The following ATAD2B variants were observed in gnomAD, a reference collection of about 807,000 sequenced individuals.
ATAD2B encodes ATPase family AAA domain containing 2B.
In ATAD2B, 40 loss-of-function variants were observed where a neutral mutation model predicts 167.6. The ratio of observed to expected loss-of-function variants is 0.24; its 90% CI spans 0.19 to 0.31. The LOEUF (loss-of-function observed/expected upper bound fraction) is 0.31, where lower values mean the gene tolerates loss of function less well. Ranked by LOEUF, ATAD2B falls within the 10% of genes least tolerant of loss-of-function variation. The pLI is 1.00. For synonymous variants in ATAD2B, 579 were observed against 596.5 expected (o/e 0.97, Z 0.43); for missense variants, 1,242 against 1,757.2 (o/e 0.71, Z 5.24).
intron 16 of ATAD2B, among the ~76,000 whole-genome samples, chr2:23,822,277 C>T (rs1426615063): frequency 6.6e-6 from 1 of 152,094 alleles, no homozygotes; most frequent in Non-Finnish European, 1.5e-5. Flanking sequence ...ACTCACATCT[C>T]TAATCCCAGC....
chr2:23,823,526 G>A lies in ATAD2B; in HGVS notation c.1863C>T (p.Ala621=). ...GATAACGCCTCCGCAGTGCAATCAGGGCGGCTTCAGTGCACAGGGCCTTGA... is the reference window on the plus strand; with the variant it reads ...GATAACGCCTCCGCAGTGCAATCAGAGCGGCTTCAGTGCACAGGGCCTTGA... ...ADIKALCTEA[A]LIALRRRYPQ... Residue 621 remains alanine (A), a synonymous_variant, in exon 16 of 28, where the codon GCC becomes GCT. Coordinates refer to ENST00000238789, the MANE Select transcript of ATAD2B (RefSeq NM_017552.4). 6.2e-7 allele frequency: 1 copy of A among 1,613,272 alleles called. No homozygotes were observed. The highest frequency in any genetic ancestry group is 8.5e-7 in the Non-Finnish European group (1 of 1,179,874).
chr2:23,912,567 G>T (rs994321218), intron 1 of ATAD2B, among the ~76,000 whole-genome samples: 1 of 151,828 alleles, frequency 6.6e-6, no homozygotes, highest in Non-Finnish European at 1.5e-5. Context: ...CATACTTCTA[G>T]ATAACCAATG....
chr2:23,792,350 CT>C (rs1031252772), intron 19 of ATAD2B, among the ~76,000 whole-genome samples: 3 of 151,672 alleles, frequency 2.0e-5, no homozygotes, highest in African/African-American at 7.3e-5. Context: ...CCTGGCCAAC[CT>C]TTTTGTTTTA....
chr2:23,700,101 G>A, the ATAD2B span, among the ~76,000 whole-genome samples: 1 of 152,076 alleles, frequency 6.6e-6, no homozygotes, highest in Middle Eastern at 3.2e-3. The surrounding 1 kb of genome is among the most constrained non-coding windows in gnomAD (Gnocchi z 4.6). Flanking sequence ...CCACCTCCTG[G>A]AAGCCTTCCA....
intron 25 of ATAD2B, among the ~76,000 whole-genome samples, chr2:23,757,063 ATTC>A (rs1435175143): frequency 6.6e-6 from 1 of 152,174 alleles, no homozygotes; most frequent in Non-Finnish European, 1.5e-5. Flanking sequence ...CATGCCAATA[ATTC>A]TTCTTGGAAT....
intron 16 of ATAD2B, among the ~76,000 whole-genome samples, chr2:23,822,713 G>A (rs993935999): frequency 1.3e-5 from 2 of 151,284 alleles, no homozygotes; most frequent in African/African-American, 2.4e-5. Flanking sequence ...GTCAGAAGTT[G>A]GAAACCAGCC....
At chr2:23,878,942 A>G (rs1411456717) in intron 7 of ATAD2B, among the ~76,000 whole-genome samples, 2 of 152,202 alleles carry the variant, frequency 1.3e-5, no homozygotes, top group Non-Finnish European at 2.9e-5. Flanking sequence ...CTCCAACACC[A>G]TTAGGGAAAT....
the ATAD2B span, among the ~76,000 whole-genome samples, chr2:23,732,822 A>C: frequency 6.6e-6 from 1 of 152,080 alleles, no homozygotes; most frequent in Non-Finnish European, 1.5e-5. Context: ...TTCAATCTCC[A>C]TCTTTCTATC....
chr2:23,679,051 T>A, the ATAD2B span, among the ~76,000 whole-genome samples: 17 of 141,770 alleles, frequency 1.2e-4, no homozygotes, highest in African/African-American at 1.1e-4. Context: ...TTACCACAAC[T>A]AAAAAAAAAA....
the ATAD2B span, chr2:23,695,857 A>G: frequency 6.5e-7 from 1 of 1,538,292 alleles, no homozygotes; most frequent in Non-Finnish European, 8.8e-7. The surrounding 1 kb of genome is among the most constrained non-coding windows in gnomAD (Gnocchi z 7.6). Flanking sequence ...CCCAAGAAGC[A>G]GTGTCTTGGG....
At chr2:23,696,556 C>T in the ATAD2B span, 1 of 1,432,012 alleles carries the variant, frequency 7.0e-7, no homozygotes, top group Non-Finnish European at 9.3e-7. This position sits in a 1 kb window ranked among gnomAD's most constrained non-coding sequence, Gnocchi z 5.5. Context: ...TCTTTGCTCA[C>T]CAAGAACTGA....
the ATAD2B span, among the ~76,000 whole-genome samples, chr2:23,682,224 C>T: frequency 1.4e-3 from 216 of 152,290 alleles, no homozygotes; most frequent in Non-Finnish European, 2.4e-3. This position sits in a 1 kb window ranked among gnomAD's most constrained non-coding sequence, Gnocchi z 4.1. Flanking sequence ...TCGGAAAGAC[C>T]GTCACCATCA....
intron 14 of ATAD2B, 140 bp downstream of exon 14, chr2:23,833,779 T>C (rs988535184): frequency 2.9e-6 from 2 of 678,166 alleles, no homozygotes; most frequent in South Asian, 2.6e-5. Flanking sequence ...CATAATTACA[T>C]AGGTTTTTAA....
At chr2:23,908,888 A>G (rs1037613036) in intron 1 of ATAD2B, among the ~76,000 whole-genome samples, 5 of 151,248 alleles carry the variant, frequency 3.3e-5, no homozygotes, top group Admixed American at 6.6e-5. Context: ...ATCGCAAGAA[A>G]AAAAAAAACA....
intron 19 of ATAD2B, among the ~76,000 whole-genome samples, chr2:23,790,727 T>C (rs1681554388): frequency 6.6e-6 from 1 of 152,218 alleles, no homozygotes; most frequent in South Asian, 2.1e-4. Context: ...CTGGTTGTGA[T>C]ACATAGTATT....
intron 13 of ATAD2B, among the ~76,000 whole-genome samples, chr2:23,849,278 GA>G (rs1325307728): frequency 5.9e-5 from 9 of 152,144 alleles, no homozygotes; most frequent in Admixed American, 5.9e-4. Flanking sequence ...CAAACAGCAT[GA>G]AGTCTAGAAT....
chr2:23,697,698 C>T, the ATAD2B span: 1 of 151,990 alleles, frequency 6.6e-6, no homozygotes, highest in South Asian at 2.1e-4. Context: ...GGCTCAGTAA[C>T]AACATTTAGT....
Position 23,927,071 on chromosome 2 carries a change from T to G in ATAD2B, c.-301A>C, listed in dbSNP as rs1558823727. 2 of 349,416 alleles carry G rather than the reference T, an allele frequency of 5.7e-6. No homozygotes were observed. Among genetic ancestry groups the G allele is most frequent in the Non-Finnish European group, 5.2e-6 (1 of 192,320 alleles). 21.6% of individuals were successfully genotyped at this position (349,416 alleles called of 1,614,324 possible). A position where few individuals can be genotyped will look rare whatever the true frequency, so the allele number is the denominator to read the frequency against. On this transcript the variant is annotated 5_prime_UTR_variant, in exon 1 of 28. Transcript: ENST00000238789. ...GCCATTTCTACCCCTTTCTCTCCCG[T>G]TCTCGCTCTCGAGCTCCGTGCGTCA...
rs750615809 is a variant in ATAD2B at position 23,880,637 on chromosome 2, A to G, written c.901+2T>C. 1 of 1,551,526 alleles carries G rather than the reference A, an allele frequency of 6.4e-7. No individual in the cohort carries two copies. Among genetic ancestry groups the G allele is most frequent in the Non-Finnish European group, 8.8e-7 (1 of 1,132,378 alleles). Reference sequence around the variant, plus strand: ...AGAAAAAAGTTATTTAGAGTTGCCTACCTATTGGAGGTGCTTGGTATCGAT... The same window carrying G: ...AGAAAAAAGTTATTTAGAGTTGCCTGCCTATTGGAGGTGCTTGGTATCGAT... On this transcript the variant is annotated splice_donor_variant, in intron 7 of 27. Transcript: ENST00000238789. LOFTEE classifies it high-confidence loss of function.
Sources: allele counts gnomAD v4.1 joint callset (sites outside exome capture counted in the v4.1 genomes callset), GRCh38; gene constraint gnomAD v4.1.1; non-coding constraint Gnocchi (gnomAD v3.1); transcripts MANE v1.5; gene names NCBI Gene and HGNC (gene_info 2026-07-23, HGNC 2026-07-21).